Variants in CFAP299 observed in about 807,000 individuals in gnomAD.
CFAP299 encodes the protein cilia- and flagella-associated protein 299.
CFAP299 carries 21 observed loss-of-function variants against 27.0 expected under a neutral mutation model. The observed-to-expected ratio is 0.78, with a 90% CI of 0.55 to 1.12. The LOEUF (loss-of-function observed/expected upper bound fraction) is 1.12. Ranked by LOEUF, CFAP299 falls within the 50% of genes most tolerant of loss-of-function variation. The probability of loss-of-function intolerance (pLI) is 0.00; values close to 1 mark genes in which losing one functional copy is unlikely to be tolerated. For missense variants in CFAP299, 310 were observed against 276.6 expected (o/e 1.12, Z -0.86); for synonymous variants, 104 against 98.1 (o/e 1.06, Z -0.36).
chr4:80,475,012 T>A (rs1730205134), intron 2 of CFAP299, among the ~76,000 whole-genome samples: 1 of 152,156 alleles, frequency 6.6e-6, no homozygotes, highest in Admixed American at 6.6e-5. Context: ...GTTTGTCAGC[T>A]GAGAGAGTGA....
At chr4:80,888,301 C>A (rs1734072357) in intron 4 of CFAP299, among the ~76,000 whole-genome samples, 1 of 152,020 alleles carries the variant, frequency 6.6e-6, no homozygotes, top group East Asian at 1.9e-4. Flanking sequence ...AAAGATATTC[C>A]ATGCTAACGG....
chr4:80,408,742 G>A (rs980968450), intron 2 of CFAP299, among the ~76,000 whole-genome samples: 1 of 152,106 alleles, frequency 6.6e-6, no homozygotes, highest in East Asian at 1.9e-4. Context: ...GGTGGACACC[G>A]AGAAGGGCTC....
Position 80,506,908 on chromosome 4 carries a change from C to T in CFAP299, c.243-76185C>T, listed in dbSNP as rs145418489. ...AAAGAAAACAAAAAAGCTGATCATGCGGTCCATGGTCATTAATTCAGTTCT... is the reference window on the plus strand; with the variant it reads ...AAAGAAAACAAAAAAGCTGATCATGTGGTCCATGGTCATTAATTCAGTTCT... On this transcript the variant is annotated intron_variant, in intron 2 of 5. Coordinates refer to ENST00000358105, the MANE Select transcript of CFAP299 (RefSeq NM_152770.3). 7.1e-3 allele frequency among the ~76,000 whole-genome samples: 1,081 copies of T among 152,166 alleles called. 12 individuals are homozygous for T. Among genetic ancestry groups the T allele is most frequent in the Non-Finnish European group, 0.011 (777 of 67,990 alleles).
intron 3 of CFAP299, among the ~76,000 whole-genome samples, chr4:80,775,606 G>T (rs1277286116): frequency 6.6e-6 from 1 of 151,246 alleles, no homozygotes; most frequent in African/African-American, 2.4e-5. Flanking sequence ...TGCAAAATAA[G>T]AAATAACTTG....
intron 3 of CFAP299, among the ~76,000 whole-genome samples, chr4:80,812,200 A>G (rs1729189272): frequency 6.6e-6 from 1 of 152,144 alleles, no homozygotes; most frequent in South Asian, 2.1e-4. Context: ...AATGAATCAC[A>G]GCTAGAATTA....
At chr4:80,515,918 A>G (rs776520689) in intron 2 of CFAP299, among the ~76,000 whole-genome samples, 10 of 152,164 alleles carry the variant, frequency 6.6e-5, no homozygotes, top group Admixed American at 3.3e-4. Flanking sequence ...TTACATGTTA[A>G]TAATACAAGA....
chr4:80,343,406 T>C (rs1162840771), intron 1 of CFAP299, among the ~76,000 whole-genome samples: 1 of 152,168 alleles, frequency 6.6e-6, no homozygotes, highest in African/African-American at 2.4e-5. Context: ...TACCCTAAAA[T>C]TGATCACATA....
chr4:80,398,136 T>C (rs2110045490), intron 2 of CFAP299, among the ~76,000 whole-genome samples: 1 of 152,280 alleles, frequency 6.6e-6, no homozygotes, highest in East Asian at 1.9e-4. Flanking sequence ...ACAAGGCATG[T>C]GAAGGACCTC....
At chr4:80,639,664 TG>T (rs70944800) in intron 3 of CFAP299, 13,432 of 153,452 alleles carry the variant, frequency 0.088, 638 homozygotes, top group Middle Eastern at 0.2. Context: ...TGCAGAGTTA[TG>T]TTTTTATTTA....
chr4:80,343,334 C>G (rs1469518479), intron 1 of CFAP299, among the ~76,000 whole-genome samples: 3 of 152,186 alleles, frequency 2.0e-5, no homozygotes, highest in African/African-American at 7.2e-5. Context: ...ACCTCATAGA[C>G]ACCTACAGAA....
At chr4:80,570,541 T>TTAACCTCACA (rs2110233734) in intron 2 of CFAP299, among the ~76,000 whole-genome samples, 1 of 152,178 alleles carries the variant, frequency 6.6e-6, no homozygotes, top group South Asian at 2.1e-4. Flanking sequence ...TTAAAAGCAC[T>TTAACCTCACA]CTGAGGTTGC....
At chr4:80,608,461 C>A in intron 3 of CFAP299, 2 of 785,564 alleles carry the variant, frequency 2.5e-6, no homozygotes, top group South Asian at 1.7e-5. Context: ...ATACTCCACT[C>A]CAAGGGCTAT....
chr4:80,598,539 G>A (rs1029023647), intron 3 of CFAP299, among the ~76,000 whole-genome samples: 4 of 152,116 alleles, frequency 2.6e-5, no homozygotes, highest in Non-Finnish European at 5.9e-5. Flanking sequence ...ATTTAATGGT[G>A]TTTTCATGTT....
At chr4:80,322,744 A>C in the CFAP299 span, among the ~76,000 whole-genome samples, 1 of 152,234 alleles carries the variant, frequency 6.6e-6, no homozygotes, top group Non-Finnish European at 1.5e-5. Flanking sequence ...AAGTTATTTT[A>C]AGAAGCAACA....
At chr4:80,594,218 C>A (rs574268601) in intron 3 of CFAP299, among the ~76,000 whole-genome samples, 1 of 152,296 alleles carries the variant, frequency 6.6e-6, no homozygotes, top group African/African-American at 2.4e-5. Flanking sequence ...CCAGGAAACT[C>A]ACAACCATGA....
At chr4:80,551,057 G>A (rs915211138) in intron 2 of CFAP299, among the ~76,000 whole-genome samples, 2 of 152,116 alleles carry the variant, frequency 1.3e-5, no homozygotes, top group Non-Finnish European at 1.5e-5. Flanking sequence ...CCAATATTTG[G>A]TCAGGTGTGG....
rs190691365 is a variant in CFAP299 at position 80,577,434 on chromosome 4, C to T, written c.243-5659C>T. 4.6e-3 allele frequency among the ~76,000 whole-genome samples: 550 copies of T among 119,180 alleles called. 3 individuals carry two copies. Among genetic ancestry groups the T allele is most frequent in the Non-Finnish European group, 6.9e-3 (430 of 62,234 alleles). 78.2% of individuals were successfully genotyped at this position (119,180 alleles called of 152,430 possible). On this transcript the variant is annotated intron_variant, in intron 2 of 5. Transcript: ENST00000358105. ...TTTTTTTTTTTTTGAGACGGAGTCT[C>T]GCTCTGTTGCCAGGCTGGAGTGCAG...
At chr4:80,810,985 T>C (rs1729124444) in intron 3 of CFAP299, among the ~76,000 whole-genome samples, 2 of 152,152 alleles carry the variant, frequency 1.3e-5, no homozygotes, top group Admixed American at 1.3e-4. Flanking sequence ...TGCATATGTC[T>C]GTCTCCACAG....
chr4:80,586,731 G>C (rs543235070), intron 3 of CFAP299, among the ~76,000 whole-genome samples: 9 of 151,982 alleles, frequency 5.9e-5, no homozygotes, highest in African/African-American at 2.2e-4. Flanking sequence ...GATTTGTTGA[G>C]TGAAAAAAAA....
Sources: gnomAD v4.1 joint callset for allele counts (sites outside exome capture counted in the v4.1 genomes callset) on GRCh38, gnomAD v4.1.1 for gene constraint, MANE v1.5 for transcripts, NCBI Gene and HGNC (gene_info 2026-07-23, HGNC 2026-07-21) for gene names.